The following SYTL5 variants were observed in gnomAD, a reference collection of about 807,000 sequenced individuals.
SYTL5 encodes synaptotagmin-like protein 5.
A neutral mutation model predicts 55.9 loss-of-function variants in SYTL5; 34 were observed. The observed-to-expected ratio is 0.61, with a 90% CI of 0.46 to 0.81. SYTL5 has a LOEUF of 0.81. SYTL5 is among the 30% of genes least tolerant of loss of function. SYTL5 has a pLI of 0.00. For missense variants in SYTL5, 637 were observed against 546.7 expected (o/e 1.17, Z -1.65); for synonymous variants, 221 against 188.7 (o/e 1.17, Z -1.40).
chrX:37,912,525 T>A, the SYTL5 span, among the ~76,000 whole-genome samples: 2 of 111,480 alleles, frequency 1.8e-5, no homozygotes, highest in Non-Finnish European at 3.8e-5. Context: ...GTGTTGTGGG[T>A]GTGAGTCAGC....
chrX:37,947,652 C>T, the SYTL5 span, among the ~76,000 whole-genome samples: 247 of 111,860 alleles, frequency 2.2e-3, 1 homozygote, highest in African/African-American at 7.7e-3. Context: ...CTAAGATTTA[C>T]ATCTTTTTGG....
intron 1 of SYTL5, among the ~76,000 whole-genome samples, chrX:38,022,451 G>A (rs1482939666): frequency 8.9e-6 from 1 of 112,131 alleles, no homozygotes; most frequent in Non-Finnish European, 1.9e-5. Flanking sequence ...TTCTTCTGGA[G>A]CCTGCAGGAG....
At chrX:37,999,731 A>C in the SYTL5 span, among the ~76,000 whole-genome samples, 1 of 112,075 alleles carries the variant, frequency 8.9e-6, no homozygotes, top group African/African-American at 3.2e-5. Context: ...TTATCAGACT[A>C]TGCTCTTTTC....
At chrX:38,123,821 T>C (rs930597123) in intron 15 of SYTL5, among the ~76,000 whole-genome samples, 1 of 112,295 alleles carries the variant, frequency 8.9e-6, no homozygotes, top group African/African-American at 3.2e-5. Context: ...TCTATAATAA[T>C]ACTTAAATAT....
At chrX:37,962,934 AAATTTCCAACAC>A in the SYTL5 span, among the ~76,000 whole-genome samples, 15 of 111,951 alleles carry the variant, frequency 1.3e-4, no homozygotes, top group East Asian at 2.2e-3. Context: ...ATTGGGGATT[AAATTTCCAACAC>A]ATGAAATTTT....
At chrX:37,934,621 T>A in the SYTL5 span, among the ~76,000 whole-genome samples, 1 of 107,139 alleles carries the variant, frequency 9.3e-6, no homozygotes, top group Non-Finnish European at 1.9e-5. Context: ...ACAGCAGAAA[T>A]AATATTTCTT....
At chrX:37,900,953 A>G in the SYTL5 span, among the ~76,000 whole-genome samples, 19 of 111,743 alleles carry the variant, frequency 1.7e-4, no homozygotes, top group African/African-American at 5.9e-4. Context: ...TTGATCTATC[A>G]GGGTTTGCAA....
At chrX:38,091,773 G>A (rs776759224) in intron 7 of SYTL5, among the ~76,000 whole-genome samples, 7 of 111,621 alleles carry the variant, frequency 6.3e-5, no homozygotes, top group Non-Finnish European at 9.4e-5. Flanking sequence ...ATCTTTCTAC[G>A]TACAATTTGA....
chrX:38,014,409 G>A (rs1330967099), intron 1 of SYTL5, among the ~76,000 whole-genome samples: 1 of 112,213 alleles, frequency 8.9e-6, no homozygotes, highest in African/African-American at 3.2e-5. Flanking sequence ...TTTCCTACCT[G>A]TAATATGGGA....
the SYTL5 span, among the ~76,000 whole-genome samples, chrX:37,942,798 C>T: frequency 9.0e-6 from 1 of 111,691 alleles, no homozygotes; most frequent in Non-Finnish European, 1.9e-5. Flanking sequence ...GAATATCATG[C>T]CACCATGTTC....
At chrX:38,023,905 G>T (rs1394829836) in intron 1 of SYTL5, 2 of 96,111 alleles carry the variant, frequency 2.1e-5, no homozygotes, top group Non-Finnish European at 4.5e-5. Context: ...TAAATATTAG[G>T]TTGGTGTAAA....
chrX:38,043,683 A>ATG (rs1935367723), intron 2 of SYTL5, among the ~76,000 whole-genome samples: 1 of 72,414 alleles, frequency 1.4e-5, no homozygotes, highest in Non-Finnish European at 2.3e-5. Flanking sequence ...ATATATATAT[A>ATG]TATATATACA....
the SYTL5 span, among the ~76,000 whole-genome samples, chrX:37,904,072 G>A: frequency 9.0e-6 from 1 of 111,162 alleles, no homozygotes; most frequent in African/African-American, 3.3e-5. Context: ...CAGTAAATGT[G>A]AGTTGAATGA....
At chrX:38,122,013 G>T in intron 14 of SYTL5, 67 bp from the exon 15 acceptor site, 9 of 1,008,400 alleles carry the variant, frequency 8.9e-6, no homozygotes, top group Non-Finnish European at 1.2e-5. Context: ...TTTTGAAATG[G>T]AACTCATGAT....
At chrX:38,039,848 A>AT (rs1404795362) in intron 2 of SYTL5, among the ~76,000 whole-genome samples, 2 of 111,810 alleles carry the variant, frequency 1.8e-5, no homozygotes, top group Admixed American at 1.9e-4. Context: ...TTTTAAACAA[A>AT]TTTTTTCTCA....
Position 38,045,051 on chromosome X carries a change from A to T in SYTL5, c.120-9162A>T, listed in dbSNP as rs1935417846. 2.7e-5 allele frequency among the ~76,000 whole-genome samples: 3 copies of T among 111,902 alleles called. No individual in the cohort carries two copies. In the South Asian group the frequency reaches 1.1e-3, roughly 42 times the overall value. On this transcript the variant is annotated intron_variant, in intron 2 of 16. Coordinates refer to ENST00000297875, the MANE Select transcript of SYTL5 (RefSeq NM_138780.3). Reference sequence around the variant, plus strand: ...TTAGGTTGGATTCCCCCAGAGGTAGACCTTGAACTCATGATTTGTGTGCAA... The same window carrying T: ...TTAGGTTGGATTCCCCCAGAGGTAGTCCTTGAACTCATGATTTGTGTGCAA...
chrX:38,097,472 T>C (rs751001139), intron 9 of SYTL5, among the ~76,000 whole-genome samples: 12 of 110,657 alleles, frequency 1.1e-4, no homozygotes, highest in Admixed American at 7.7e-4. Context: ...GCATGAAAAA[T>C]ATTTTTCAAA....
In SYTL5 at chrX:38,106,673, C is replaced by T. The variant is rs796374377; in HGVS notation, c.1236C>T (p.Leu412=). ...GNVKVSGEIL[L]HISYCYKTGG... ...TGAAAGTCAGTGGTGAAATCCTTCTCCATATCAGCTACTGCTACAAAACTG... is the reference window on the plus strand; with the variant it reads ...TGAAAGTCAGTGGTGAAATCCTTCTTCATATCAGCTACTGCTACAAAACTG... The change falls in exon 11 of 17, where the codon CTC becomes CTT. Residue 412 remains leucine (L), a synonymous_variant. Coordinates refer to ENST00000297875, the MANE Select transcript of SYTL5 (RefSeq NM_138780.3). 8.3e-7 allele frequency: 1 copy of T among 1,209,635 alleles called. No individual in the cohort carries two copies. Among genetic ancestry groups the T allele is most frequent in the Admixed American group, 2.2e-5 (1 of 45,804 alleles).
the SYTL5 span, among the ~76,000 whole-genome samples, chrX:37,980,935 T>A: frequency 8.9e-6 from 1 of 112,285 alleles, no homozygotes; most frequent in Non-Finnish European, 1.9e-5. Flanking sequence ...TGAGAAGAAC[T>A]AATGTTACTA....
Sources: allele counts gnomAD v4.1 joint callset (sites outside exome capture counted in the v4.1 genomes callset), GRCh38; gene constraint gnomAD v4.1.1; transcripts MANE v1.5; gene names NCBI Gene and HGNC (gene_info 2026-07-23, HGNC 2026-07-21).